MBD5: variants seen among roughly 807,000 people sequenced by gnomAD.
MBD5 encodes the protein methyl-CpG binding domain protein 5.
In MBD5, 13 loss-of-function variants were observed where a neutral mutation model predicts 117.3. The observed-to-expected ratio is 0.11, with a 90% confidence interval of 0.07 to 0.18. The LOEUF (loss-of-function observed/expected upper bound fraction) is 0.18, where lower values mean the gene tolerates loss of function less well. Ranked by LOEUF, MBD5 falls within the 10% of genes least tolerant of loss-of-function variation. The probability of loss-of-function intolerance (pLI) is 1.00; values close to 1 mark genes in which losing one functional copy is unlikely to be tolerated. For synonymous variants in MBD5, 727 were observed against 766.4 expected, an observed-to-expected ratio of 0.95 and a Z score of 0.85; for missense variants, 1,879 against 2,093.8, an observed-to-expected ratio of 0.90 and a Z score of 2.00.
intron 2 of MBD5, among the ~76,000 whole-genome samples, chr2:148,221,694 C>A (rs574837796): frequency 2.6e-5 from 4 of 152,046 alleles, no homozygotes; most frequent in Non-Finnish European, 5.9e-5. Flanking sequence ...CAAATATTTT[C>A]TCCAATTCTT....
intron 3 of MBD5, among the ~76,000 whole-genome samples, chr2:148,328,189 T>A (rs559796720): frequency 9.5e-4 from 145 of 152,346 alleles, no homozygotes; most frequent in African/African-American, 3.4e-3. Flanking sequence ...GAGGAGGCAG[T>A]CTGCCCATTC....
intron 1 of MBD5, among the ~76,000 whole-genome samples, chr2:148,035,355 C>G (rs149651958): frequency 6.6e-6 from 1 of 151,930 alleles, no homozygotes; most frequent in Non-Finnish European, 1.5e-5. Flanking sequence ...GTATGTTATG[C>G]GTTAAAAATT....
chr2:148,147,457 G>T (rs919933957), intron 1 of MBD5, among the ~76,000 whole-genome samples: 1 of 151,692 alleles, frequency 6.6e-6, no homozygotes, highest in South Asian at 2.1e-4. Flanking sequence ...GGCCAGGCTG[G>T]TCTCAAACTC....
chr2:148,470,719 C>T (rs1054815078), intron 8 of MBD5: 19 of 501,530 alleles, frequency 3.8e-5, no homozygotes, highest in African/African-American at 3.5e-4. Flanking sequence ...TCGACTTTCA[C>T]TTGGTTTTAT....
chr2:148,432,079 G>A (rs1302459941), intron 4 of MBD5, among the ~76,000 whole-genome samples: 1 of 152,108 alleles, frequency 6.6e-6, no homozygotes, highest in Non-Finnish European at 1.5e-5. Flanking sequence ...ATTGGTGTCA[G>A]ATGGTATCTT....
intron 5 of MBD5, chr2:148,460,367 A>T (rs1470946663): frequency 6.6e-6 from 1 of 152,186 alleles, no homozygotes; most frequent in South Asian, 2.1e-4. Flanking sequence ...CCTTGTTAGT[A>T]TGGGTTCTCC....
intron 11 of MBD5, among the ~76,000 whole-genome samples, chr2:148,491,423 TC>T (rs1279291616): frequency 6.6e-6 from 1 of 151,738 alleles, no homozygotes; most frequent in African/African-American, 2.4e-5. Flanking sequence ...TTATGCACAT[TC>T]CCCCATATGA....
intron 3 of MBD5, among the ~76,000 whole-genome samples, chr2:148,331,702 GA>G (rs1399660836): frequency 3.1e-4 from 47 of 151,994 alleles, no homozygotes; most frequent in Non-Finnish European, 4.4e-5. Flanking sequence ...TTCAAGGCAT[GA>G]AAGATATACA....
At position 148,513,076 on chromosome 2, in the gene MBD5, A is replaced by G. The variant is rs1239791220; in HGVS notation, c.*135A>G. 7.7e-6 allele frequency: 7 copies of G among 913,084 alleles called. No individual in the cohort carries two copies. The East Asian group carries it at 1.3e-4, about 17-fold the overall frequency. The allele number at this position is 913,084 out of a possible 1,614,324, so 56.6% of individuals were successfully genotyped here. On this transcript the variant is annotated 3_prime_UTR_variant, in exon 14 of 14. Transcript: ENST00000642680. ...ATAGCTACCACCACCACAGGGTGCT[A>G]AAAGAAACAGTGATACAAAATTTTT...
intron 2 of MBD5, among the ~76,000 whole-genome samples, chr2:148,214,292 A>G (rs1223854361): frequency 2.0e-5 from 3 of 152,236 alleles, no homozygotes; most frequent in African/African-American, 7.2e-5. Flanking sequence ...CAGTACATAA[A>G]TAAGCATGGC....
rs564555014 is a variant in MBD5, at chr2:148,115,478, T to G, written c.-924-63222T>G. Among the ~76,000 whole-genome samples the G allele has an allele frequency of 3.6e-4, 55 of 152,326 alleles. 1 individual carries two copies. The highest frequency in any genetic ancestry group is 4.0e-4 in the Non-Finnish European group (27 of 68,026). ...CATTCTCTATTAACAAGAAAATGCA[T>G]GTAAGGTATTTAGTATGGGTACCTG... is the stretch of plus-strand genomic sequence containing the variant. On this transcript the variant is annotated intron_variant, in intron 1 of 13. Transcript: ENST00000642680.
intron 1 of MBD5, among the ~76,000 whole-genome samples, chr2:148,162,532 T>A (rs1698031048): frequency 1.3e-5 from 2 of 152,186 alleles, no homozygotes; most frequent in South Asian, 2.1e-4. Context: ...TTATTTGAGA[T>A]TTAAAATATT....
At chr2:148,081,628 G>A (rs1695650641) in intron 1 of MBD5, among the ~76,000 whole-genome samples, 1 of 152,140 alleles carries the variant, frequency 6.6e-6, no homozygotes. Flanking sequence ...ACAGTAGATA[G>A]GGAAGAGAGG....
intron 4 of MBD5, among the ~76,000 whole-genome samples, chr2:148,395,015 TG>T (rs1373762915): frequency 9.2e-5 from 14 of 152,150 alleles, no homozygotes; most frequent in Admixed American, 9.2e-4. Flanking sequence ...GTCTCAGTGT[TG>T]GAGCTCAGGA....
intron 13 of MBD5, 85 bp from the exon 14 acceptor site, chr2:148,512,785 A>G (rs751736520): frequency 1.1e-5 from 14 of 1,230,680 alleles, no homozygotes; most frequent in Admixed American, 3.4e-5. Flanking sequence ...TCTATTCCCT[A>G]CCCTGCTCCT....
At chr2:148,363,481 C>T (rs1703602133) in intron 4 of MBD5, among the ~76,000 whole-genome samples, 1 of 152,110 alleles carries the variant, frequency 6.6e-6, no homozygotes, top group African/African-American at 2.4e-5. Context: ...GATCCACCTA[C>T]CTCGGCCTCC....
At chr2:148,368,008 T>C (rs1035373820) in intron 4 of MBD5, among the ~76,000 whole-genome samples, 3 of 152,178 alleles carry the variant, frequency 2.0e-5, no homozygotes, top group Non-Finnish European at 2.9e-5. Flanking sequence ...ATCATTCTAC[T>C]ATAAAGACAC....
intron 3 of MBD5, among the ~76,000 whole-genome samples, chr2:148,285,455 T>C (rs1324972303): frequency 6.6e-6 from 1 of 152,144 alleles, no homozygotes; most frequent in Non-Finnish European, 1.5e-5. Context: ...AGAATTGACA[T>C]GAGAAAATTG....
At chr2:148,252,741 G>A (rs1700496746) in intron 3 of MBD5, among the ~76,000 whole-genome samples, 1 of 151,990 alleles carries the variant, frequency 6.6e-6, no homozygotes, top group Admixed American at 6.6e-5. Flanking sequence ...GTAGAGACAG[G>A]GTCTCACCAT....
Sources: allele counts gnomAD v4.1 joint callset (sites outside exome capture counted in the v4.1 genomes callset), GRCh38; gene constraint gnomAD v4.1.1; transcripts MANE v1.5; gene names NCBI Gene and HGNC (gene_info 2026-07-23, HGNC 2026-07-21).